Variants in TBC1D5 observed in about 807,000 individuals in gnomAD.
The protein encoded by TBC1D5 is TBC1 domain family member 5, also known as TBC1 domain family, member 5.
Under a neutral mutation model 100.3 loss-of-function variants are expected in TBC1D5, and 75 were observed. The observed-to-expected ratio is 0.75, with a 90% confidence interval of 0.62 to 0.91. The LOEUF is 0.91. Ranked by LOEUF, TBC1D5 falls within the 40% of genes least tolerant of loss-of-function variation. The pLI is 0.00. For synonymous variants in TBC1D5, 323 were observed against 325.6 expected (o/e 0.99, Z 0.09); for missense variants, 910 against 942.4 (o/e 0.97, Z 0.45).
chr3:17,721,628 T>C (rs1031083827), intron 1 of TBC1D5, among the ~76,000 whole-genome samples: 13 of 152,038 alleles, frequency 8.6e-5, no homozygotes, highest in African/African-American at 3.1e-4. Context: ...ACCGAGATTG[T>C]GCCACTACAC....
chr3:17,608,831 G>T (rs1362352738), intron 2 of TBC1D5, among the ~76,000 whole-genome samples: 8 of 152,058 alleles, frequency 5.3e-5, no homozygotes, highest in Admixed American at 2.0e-4. Context: ...TTTCTTTCCT[G>T]AATCAGCATA....
intron 2 of TBC1D5, among the ~76,000 whole-genome samples, chr3:17,565,599 TTTTA>T (rs1467587701): frequency 1.3e-5 from 2 of 152,054 alleles, no homozygotes; most frequent in African/African-American, 2.4e-5. Flanking sequence ...ACAAATAGTT[TTTTA>T]TTTATTTACT....
Position 17,448,387 on chromosome 3 carries a change from T to A in TBC1D5, c.98-19868A>T, listed in dbSNP as rs2094847905. ...ACCTCCTCCCATGAATCATGAATAT[T>A]CTTAATAGATCTATTATGATGACTC... On this transcript the variant is annotated intron_variant, in intron 3 of 21. Transcript: ENST00000253692. Among the ~76,000 whole-genome samples the A allele has an allele frequency of 2.0e-5, 3 of 152,324 alleles. No homozygotes were observed. The South Asian group carries it at 6.2e-4, about 32-fold the overall frequency.
At chr3:17,286,377 T>C (rs2081191088) in intron 15 of TBC1D5, among the ~76,000 whole-genome samples, 1 of 152,204 alleles carries the variant, frequency 6.6e-6, no homozygotes, top group South Asian at 2.1e-4. Flanking sequence ...CTTTTGTTTC[T>C]AATTGGGTTT....
At chr3:17,694,087 C>T (rs1475820540) in intron 1 of TBC1D5, among the ~76,000 whole-genome samples, 4 of 152,190 alleles carry the variant, frequency 2.6e-5, no homozygotes, top group African/African-American at 9.7e-5. Flanking sequence ...ACCTCATCTG[C>T]AGGTCACCAA....
At chr3:17,366,689 T>C (rs564373411) in intron 13 of TBC1D5, among the ~76,000 whole-genome samples, 8 of 152,298 alleles carry the variant, frequency 5.3e-5, no homozygotes, top group African/African-American at 1.9e-4. Flanking sequence ...TTTAGGTGGA[T>C]AATTACACTG....
In TBC1D5 at chr3:17,185,606, A is replaced by G. The variant is rs181111708; in HGVS notation, c.1753-398T>C. 9.1e-3 allele frequency among the ~76,000 whole-genome samples: 1,389 copies of G among 152,310 alleles called. 23 individuals carry two copies. Among genetic ancestry groups the G allele is most frequent in the African/African-American group, 0.031 (1,297 of 41,572 alleles). ...GAACTACACTTCCTAAGCAGCTGGT[A>G]CAAAAACATTGCGTTTTTTTCACAC... On this transcript the variant is annotated intron_variant, in intron 18 of 21. Transcript: ENST00000253692.
At chr3:17,305,328 T>A (rs1462036064) in intron 14 of TBC1D5, among the ~76,000 whole-genome samples, 6 of 152,178 alleles carry the variant, frequency 3.9e-5, no homozygotes, top group Admixed American at 6.5e-5. Context: ...CATGTTCTCT[T>A]TCCATATGTA....
chr3:17,406,782 C>A, intron 4 of TBC1D5: 1 of 403,208 alleles, frequency 2.5e-6, no homozygotes, highest in Non-Finnish European at 4.4e-6. Flanking sequence ...ATTCCATTTC[C>A]TCTAAAATGC....
At chr3:17,523,070 G>T (rs1374528756) in intron 2 of TBC1D5, among the ~76,000 whole-genome samples, 1 of 143,864 alleles carries the variant, frequency 7.0e-6, no homozygotes, top group East Asian at 1.9e-4. Context: ...CTTACTAAAT[G>T]CTAGACACTG....
intron 2 of TBC1D5, among the ~76,000 whole-genome samples, chr3:17,602,090 C>T (rs2060993156): frequency 6.6e-6 from 1 of 152,164 alleles, no homozygotes; most frequent in African/African-American, 2.4e-5. Context: ...CTCGGCCTCC[C>T]AAAGTACTGG....
chr3:17,480,126 C>T (rs370378287), intron 3 of TBC1D5, among the ~76,000 whole-genome samples: 10 of 152,216 alleles, frequency 6.6e-5, no homozygotes, highest in African/African-American at 1.4e-4. Context: ...ACACATAGGG[C>T]GGCACTGTCA....
intron 13 of TBC1D5, among the ~76,000 whole-genome samples, chr3:17,357,682 A>G (rs1310882212): frequency 6.6e-6 from 1 of 152,204 alleles, no homozygotes; most frequent in Non-Finnish European, 1.5e-5. Context: ...TATGTAAGAA[A>G]TATTTCCTAT....
rs184402049 is a variant in TBC1D5 at position 17,238,870 on chromosome 3, G to T, written c.1332-451C>A. ...CATCTATGAAATGAAGCTAAGAATA[G>T]ATTTCTTACCAGCCCTGGCACATGG... On this transcript the variant is annotated intron_variant, in intron 16 of 21. Coordinates refer to ENST00000253692, the Ensembl canonical transcript of TBC1D5. 7.4e-4 allele frequency among the ~76,000 whole-genome samples: 112 copies of T among 152,312 alleles called. 2 individuals carry two copies. In the South Asian group the frequency reaches 0.011, roughly 15 times the overall value.
At chr3:17,298,305 T>C (rs1278390107) in intron 14 of TBC1D5, among the ~76,000 whole-genome samples, 1 of 152,228 alleles carries the variant, frequency 6.6e-6, no homozygotes, top group African/African-American at 2.4e-5. Flanking sequence ...ACTAAACACC[T>C]GTTTTATTTA....
intron 17 of TBC1D5, among the ~76,000 whole-genome samples, chr3:17,235,363 A>G (rs1250586704): frequency 6.6e-6 from 1 of 152,188 alleles, no homozygotes; most frequent in African/African-American, 2.4e-5. Flanking sequence ...TTTCAACATA[A>G]CTTTCAAATT....
intron 13 of TBC1D5, among the ~76,000 whole-genome samples, chr3:17,318,103 C>T (rs1439665528): frequency 6.6e-6 from 1 of 151,890 alleles, no homozygotes; most frequent in African/African-American, 2.4e-5. Context: ...TGGAAATCAT[C>T]ATTCTCAGTA....
At chr3:17,284,357 A>T (rs1449908774) in intron 15 of TBC1D5, among the ~76,000 whole-genome samples, 1 of 152,108 alleles carries the variant, frequency 6.6e-6, no homozygotes, top group African/African-American at 2.4e-5. Flanking sequence ...ACTTCGAGTG[A>T]TCCGCCTGCC....
chr3:17,497,082 T>TGA, intron 3 of TBC1D5, among the ~76,000 whole-genome samples: 1 of 121,076 alleles, frequency 8.3e-6, no homozygotes, highest in African/African-American at 3.4e-5. Context: ...TTTCTCTCTC[T>TGA]CTCTGACACA....
Sources: allele counts gnomAD v4.1 joint callset (sites outside exome capture counted in the v4.1 genomes callset), GRCh38; gene constraint gnomAD v4.1.1; transcripts MANE v1.5; gene names NCBI Gene and HGNC (gene_info 2026-07-23, HGNC 2026-07-21).